Variants in GABRG3 observed in about 807,000 individuals in gnomAD.
GABRG3 encodes the protein gamma-aminobutyric acid type A receptor subunit gamma3, also known as gamma-aminobutyric acid receptor subunit gamma-3.
A neutral mutation model predicts 48.8 loss-of-function variants in GABRG3; 25 were observed. The ratio of observed to expected loss-of-function variants is 0.51; its 90% CI spans 0.37 to 0.72. The LOEUF is 0.72. Among genes scored for constraint, GABRG3 ranks in the 30% least tolerant of loss-of-function variants. The probability of loss-of-function intolerance (pLI) is 0.00; values close to 1 mark genes in which losing one functional copy is unlikely to be tolerated. For missense variants in GABRG3, 394 were observed against 577.9 expected, an observed-to-expected ratio of 0.68 and a Z score of 3.26; for synonymous variants, 227 against 217.6, an observed-to-expected ratio of 1.04 and a Z score of -0.38.
intron 3 of GABRG3, among the ~76,000 whole-genome samples, chr15:27,115,735 T>A (rs1032922302): frequency 2.6e-5 from 4 of 152,204 alleles, no homozygotes; most frequent in African/African-American, 7.2e-5. Context: ...TCAACATTTA[T>A]TTTCATTGTA....
chr15:27,053,456 A>G (rs536333507), intron 3 of GABRG3, among the ~76,000 whole-genome samples: 42 of 152,332 alleles, frequency 2.8e-4, no homozygotes, highest in African/African-American at 9.9e-4. Flanking sequence ...CGCCAGTCAG[A>G]ATAGTTATTA....
In GABRG3 at chr15:27,377,966, C is replaced by G. The variant is rs537429196; in HGVS notation, c.574+49078C>G. 9.8e-5 allele frequency among the ~76,000 whole-genome samples: 15 copies of G among 152,316 alleles called. No individual in the cohort carries two copies. In the South Asian group the frequency reaches 3.1e-3, roughly 32 times the overall value. ...TTCAGATAGCAAGTGAGTGATCATA[C>G]AGCTCTGAATTGTTAAGAGCTGGGA... is the stretch of plus-strand genomic sequence containing the variant. On this transcript the variant is annotated intron_variant, in intron 5 of 9. Coordinates refer to ENST00000615808, the MANE Select transcript of GABRG3 (RefSeq NM_033223.5).
intron 3 of GABRG3, among the ~76,000 whole-genome samples, chr15:27,081,711 TACC>T (rs1310015185): frequency 1.3e-5 from 2 of 152,296 alleles, no homozygotes; most frequent in East Asian, 3.9e-4. Flanking sequence ...GCCACTATGA[TACC>T]AACAACATGG....
At chr15:27,316,820 T>C (rs772896726) in intron 3 of GABRG3, among the ~76,000 whole-genome samples, 1 of 152,200 alleles carries the variant, frequency 6.6e-6, no homozygotes, top group East Asian at 1.9e-4. Flanking sequence ...TGGTGGATTT[T>C]GGTGTGGTTT....
At chr15:27,408,771 A>G (rs1409320736) in intron 5 of GABRG3, among the ~76,000 whole-genome samples, 1 of 152,160 alleles carries the variant, frequency 6.6e-6, no homozygotes, top group African/African-American at 2.4e-5. Flanking sequence ...TTGCCTGCAC[A>G]TATTATAAGA....
At chr15:27,231,872 A>G (rs1266888750) in intron 3 of GABRG3, among the ~76,000 whole-genome samples, 1 of 152,182 alleles carries the variant, frequency 6.6e-6, no homozygotes, top group Admixed American at 6.5e-5. Flanking sequence ...TTTTTAACTT[A>G]AAGATTTTTT....
intron 5 of GABRG3, among the ~76,000 whole-genome samples, chr15:27,405,487 T>G (rs1356935990): frequency 6.6e-6 from 1 of 152,198 alleles, no homozygotes; most frequent in Non-Finnish European, 1.5e-5. Context: ...AGTTGGAAAA[T>G]CATTATGGGT....
chr15:27,346,370 T>A (rs1240938359), intron 5 of GABRG3, among the ~76,000 whole-genome samples: 1 of 152,220 alleles, frequency 6.6e-6, no homozygotes, highest in African/African-American at 2.4e-5. Flanking sequence ...TTTGGCTTCC[T>A]GCAGTGTGAA....
intron 3 of GABRG3, among the ~76,000 whole-genome samples, chr15:27,113,827 A>T (rs1026159714): frequency 3.9e-5 from 6 of 152,342 alleles, no homozygotes; most frequent in African/African-American, 1.4e-4. Flanking sequence ...AGACTGCCTG[A>T]TTGCCTGGAT....
intron 3 of GABRG3, among the ~76,000 whole-genome samples, chr15:27,076,773 G>A (rs994389996): frequency 6.6e-6 from 1 of 152,162 alleles, no homozygotes; most frequent in African/African-American, 2.4e-5. Context: ...GACACTAGAG[G>A]CCATCAGAAG....
intron 5 of GABRG3, among the ~76,000 whole-genome samples, chr15:27,416,328 G>C (rs752472949): frequency 6.6e-6 from 1 of 152,062 alleles, no homozygotes; most frequent in East Asian, 1.9e-4. Context: ...GAATTTCCCC[G>C]CTTAGGTGGG....
In GABRG3 at chr15:26,975,040, AT is replaced by A. The variant is rs1473153864; in HGVS notation, c.54-1954del. Reference sequence around the variant, plus strand: ...AGGCATGTGCCACCATGCCCCGCTAATTTTTTTTGTATTTTTAGTAGAGACG... The same window carrying A: ...AGGCATGTGCCACCATGCCCCGCTAATTTTTTTGTATTTTTAGTAGAGACG... On this transcript the variant is annotated intron_variant, in intron 1 of 9. Transcript: ENST00000615808. This position sits in a 1 kb window ranked among gnomAD's most constrained non-coding sequence, Gnocchi z 4.6. Among the ~76,000 whole-genome samples, 2 of 150,854 alleles carry A rather than the reference AT, an allele frequency of 1.3e-5. No individual in the cohort carries two copies. The highest frequency in any genetic ancestry group is 1.5e-5 in the Non-Finnish European group (1 of 67,674).
chr15:27,285,295 G>A (rs867560853), intron 3 of GABRG3, among the ~76,000 whole-genome samples: 1 of 113,218 alleles, frequency 8.8e-6, no homozygotes, highest in African/African-American at 3.3e-5. Context: ...GTGTGTGTGT[G>A]TGTGTGTTTT....
At chr15:27,215,327 C>T (rs191053913) in intron 3 of GABRG3, among the ~76,000 whole-genome samples, 27 of 152,226 alleles carry the variant, frequency 1.8e-4, no homozygotes, top group Non-Finnish European at 2.9e-4. Context: ...ACTTTGCTGC[C>T]CTCAAAAACA....
intron 3 of GABRG3, among the ~76,000 whole-genome samples, chr15:27,157,347 A>G (rs76176799): frequency 0.011 from 1,646 of 152,298 alleles, 33 homozygotes; most frequent in African/African-American, 0.038. Flanking sequence ...ATGAAATGTA[A>G]GTTTTTCAGG....
chr15:27,318,903 TAAG>T (rs1442301555), intron 3 of GABRG3, among the ~76,000 whole-genome samples: 1 of 152,046 alleles, frequency 6.6e-6, no homozygotes, highest in Non-Finnish European at 1.5e-5. Flanking sequence ...ACAGAGGAAA[TAAG>T]GAGATGTTGG....
At chr15:27,217,588 C>T (rs564470566) in intron 3 of GABRG3, among the ~76,000 whole-genome samples, 1 of 152,172 alleles carries the variant, frequency 6.6e-6, no homozygotes, top group Non-Finnish European at 1.5e-5. Context: ...GATCCTGCTC[C>T]GTGCTGTGGC....
chr15:27,024,822 T>A (rs531367669), intron 2 of GABRG3, among the ~76,000 whole-genome samples: 4 of 151,518 alleles, frequency 2.6e-5, no homozygotes, highest in African/African-American at 9.7e-5. Context: ...AGGTCAGGAG[T>A]TCAAGACCAA....
intron 3 of GABRG3, among the ~76,000 whole-genome samples, chr15:27,248,965 C>T (rs940687122): frequency 6.6e-6 from 1 of 152,044 alleles, no homozygotes; most frequent in African/African-American, 2.4e-5. Context: ...CTGAGGACCC[C>T]GAGACAGGCC....
Sources: allele counts gnomAD v4.1 joint callset (sites outside exome capture counted in the v4.1 genomes callset), GRCh38; gene constraint gnomAD v4.1.1; non-coding constraint Gnocchi (gnomAD v3.1); transcripts MANE v1.5; gene names NCBI Gene and HGNC (gene_info 2026-07-23, HGNC 2026-07-21).